The following PCNT variants were observed in gnomAD, a reference collection of about 807,000 sequenced individuals.
PCNT encodes kendrin.
In PCNT, 319 loss-of-function variants were observed where a neutral mutation model predicts 380.4. The observed-to-expected ratio is 0.84, with a 90% CI of 0.77 to 0.92. The LOEUF (loss-of-function observed/expected upper bound fraction) is 0.92, where lower values mean the gene tolerates loss of function less well. PCNT is among the 40% of genes least tolerant of loss of function. PCNT has a pLI of 0.00. For missense variants in PCNT, 4,400 were observed against 4,255.3 expected (o/e 1.03, Z -0.95); for synonymous variants, 1,845 against 1,735.2 (o/e 1.06, Z -1.57).
intron 35 of PCNT, among the ~76,000 whole-genome samples, chr21:46,429,509 C>CT (rs2087661774): frequency 6.6e-6 from 1 of 150,542 alleles, no homozygotes; most frequent in Non-Finnish European, 1.5e-5. Flanking sequence ...CCGGTGCTGT[C>CT]TGAGTGCTCG....
intron 17 of PCNT, among the ~76,000 whole-genome samples, chr21:46,386,210 C>T (rs924019991): frequency 1.3e-5 from 2 of 152,214 alleles, no homozygotes; most frequent in African/African-American, 2.4e-5. Flanking sequence ...TGCCCTCCTC[C>T]CACCCTGCCT....
chr21:46,401,809 C>G, intron 26 of PCNT, 88 bp downstream of exon 26: 1 of 1,259,234 alleles, frequency 7.9e-7, no homozygotes. Flanking sequence ...CCAGATAACA[C>G]AGGCGATGGG....
chr21:46,421,921 A>T (rs1435292210), intron 31 of PCNT, 49 bp from the exon 32 acceptor site: 18 of 1,602,430 alleles, frequency 1.1e-5, no homozygotes, highest in African/African-American at 2.7e-5. Flanking sequence ...TCCCCTGGGG[A>T]ACCCCCTGGA....
At chr21:46,377,869 G>A (rs2085379073) in intron 15 of PCNT, among the ~76,000 whole-genome samples, 1 of 99,314 alleles carries the variant, frequency 1.0e-5, no homozygotes, top group African/African-American at 5.8e-5. Flanking sequence ...GAAAATTAAG[G>A]AAGAAAACAA....
chr21:46,428,452 C>T lies in PCNT; in HGVS notation c.7552C>T (p.Leu2518=), dbSNP rs761945778. The T allele has an allele frequency of 1.9e-6, 3 of 1,612,396 alleles. No homozygotes were observed. The African/African-American group carries it at 4.0e-5, about 22-fold the overall frequency. ...TCGCTTGCCGGACCGGAGCAGCCTG[C>T]TGTCCGAGATCCAGGCGCTGCGTGC... The part of the protein sequence containing the change: ...HLRLPDRSSL[L]SEIQALRAQL... Residue 2518 remains leucine, a synonymous_variant, in exon 35 of 47, where the codon CTG becomes TTG. Coordinates refer to ENST00000359568, the MANE Select transcript of PCNT (RefSeq NM_006031.6).
chr21:46,436,022 C>A lies in PCNT; in HGVS notation c.8870C>A (p.Ala2957Asp). The A allele has an allele frequency of 6.2e-7, 1 of 1,614,076 alleles. No individual in the cohort carries two copies. Among genetic ancestry groups the A allele is most frequent in the Non-Finnish European group, 8.5e-7 (1 of 1,180,004 alleles). The change falls in exon 39 of 47, where the codon GCC becomes GAC. Residue 2957 changes from alanine (A) to aspartate (D), a missense_variant. By Grantham distance (126) the Ala-to-Asp change is moderately radical. Transcript: ENST00000359568. ...VPGSRLHLGS[A>D]RRAAGSDADH... Reference sequence around the variant, plus strand: ...GGCAGCCGCCTCCACCTAGGTTCTGCCCGCAGGGCTGCCGGCTCGGATGCG... The same window carrying A: ...GGCAGCCGCCTCCACCTAGGTTCTGACCGCAGGGCTGCCGGCTCGGATGCG...
intron 3 of PCNT, among the ~76,000 whole-genome samples, chr21:46,339,800 G>A (rs1416785349): frequency 6.6e-6 from 1 of 152,130 alleles, no homozygotes; most frequent in African/African-American, 2.4e-5. Flanking sequence ...CAATCAAGTT[G>A]ACAATGTTAA....
At chr21:46,368,455 A>G (rs1470457891) in intron 15 of PCNT, among the ~76,000 whole-genome samples, 1 of 152,134 alleles carries the variant, frequency 6.6e-6, no homozygotes, top group East Asian at 1.9e-4. Context: ...CTCAAAAAAA[A>G]AAAAGCGGTG....
chr21:46,407,018 A>G (rs1358975757), intron 27 of PCNT, among the ~76,000 whole-genome samples: 3 of 152,158 alleles, frequency 2.0e-5, no homozygotes, highest in African/African-American at 7.2e-5. Context: ...TTGGTGCATA[A>G]TTGTCTTTTC....
intron 15 of PCNT, among the ~76,000 whole-genome samples, chr21:46,370,648 G>A (rs2096681490): frequency 6.6e-6 from 1 of 152,162 alleles, no homozygotes; most frequent in Admixed American, 6.5e-5. Flanking sequence ...GCTCATGCCT[G>A]TAATCCCAGG....
In PCNT at chr21:46,411,906, G is replaced by A; in HGVS notation, c.5833G>A (p.Val1945Met). Reference sequence around the variant, plus strand: ...GCACCAGCGGTTCCTGAGGTGCCAGGTGGAGCTGGACAGGCGGCAGGCCCG... The same window carrying A: ...GCACCAGCGGTTCCTGAGGTGCCAGATGGAGCTGGACAGGCGGCAGGCCCG... ...VLHQRFLRCQ[V>M]ELDRRQARRA... is the part of the protein sequence containing the mutation. Residue 1945 changes from valine (V) to methionine (M), a missense_variant, in exon 28 of 47, where the codon GTG (valine) becomes ATG (methionine). Transcript: ENST00000359568. 7 of 1,585,270 alleles carry A rather than the reference G, an allele frequency of 4.4e-6. No homozygotes were observed. Among genetic ancestry groups the A allele is most frequent in the Non-Finnish European group, 6.0e-6 (7 of 1,173,614 alleles).
intron 4 of PCNT, 90 bp downstream of exon 4, chr21:46,346,298 G>A (rs1048320993): frequency 2.4e-5 from 16 of 670,224 alleles, no homozygotes; most frequent in African/African-American, 1.3e-4. Flanking sequence ...TGGGGTGGGC[G>A]CTGCCATCTC....
At position 46,381,856 on chromosome 21, in the gene PCNT, T is replaced by G. The variant is rs777279523; in HGVS notation, c.3312+16T>G. 4 of 1,613,752 alleles carry G rather than the reference T, an allele frequency of 2.5e-6. No homozygotes were observed. The Admixed American group carries it at 6.7e-5, about 27-fold the overall frequency. Reference sequence around the variant, plus strand: ...AGTCCAGCAGGTGTGTGGAATACGCTGTTCCCTTGTGATAAGACGTGTATA... The same window carrying G: ...AGTCCAGCAGGTGTGTGGAATACGCGGTTCCCTTGTGATAAGACGTGTATA... On this transcript the variant is annotated intron_variant, in intron 16 of 46. Transcript: ENST00000359568.
rs749015020 is a variant in PCNT at position 46,389,272 on chromosome 21, G to C, written c.3681G>C (p.Glu1227Asp). Residue 1227 changes from glutamate to aspartate, a missense_variant, in exon 19 of 47, where the codon GAG becomes GAC. Transcript: ENST00000359568. ...ELDRTLSECAEMSSVAEISSH... is the reference protein window; with the variant it reads ...ELDRTLSECADMSSVAEISSH... ...ACAGAACTTTGTCTGAATGTGCAGA[G>C]ATGTCTTCCGTGGCTGAAATTAGCA... The C allele has an allele frequency of 5.0e-6, 8 of 1,614,138 alleles. No individual in the cohort carries two copies. In the Admixed American group the frequency reaches 6.7e-5, roughly 13 times the overall value.
At chr21:46,333,720 G>T (rs1371242598) in intron 2 of PCNT, among the ~76,000 whole-genome samples, 1 of 151,600 alleles carries the variant, frequency 6.6e-6, no homozygotes, top group Non-Finnish European at 1.5e-5. Context: ...GGCCAACATG[G>T]TGAAACCCCC....
Position 46,363,544 on chromosome 21 carries a change from T to C in PCNT, c.2219T>C (p.Leu740Pro), listed in dbSNP as rs2084790676. The C allele has an allele frequency of 6.2e-7, 1 of 1,613,964 alleles. No individual in the cohort carries two copies. Among genetic ancestry groups the C allele is most frequent in the African/African-American group, 1.3e-5 (1 of 74,998 alleles). The change falls in exon 14 of 47, where the codon CTG becomes CCG. Residue 740 changes from leucine (L) to proline (P), a missense_variant. Coordinates refer to ENST00000359568, the MANE Select transcript of PCNT (RefSeq NM_006031.6). ...ELNNAKQKTE[L>P]MKQEFQRKET... ...AATAATGCTAAGCAAAAGACTGAGC[T>C]GATGAAACAGGAATTCCAAAGAAAA... is the stretch of plus-strand genomic sequence containing the variant.
intron 27 of PCNT, among the ~76,000 whole-genome samples, chr21:46,408,442 TGTAA>T (rs2086683637): frequency 6.6e-6 from 1 of 152,218 alleles, no homozygotes; most frequent in Non-Finnish European, 1.5e-5. Flanking sequence ...CTGATTCATG[TGTAA>T]GTATATATTT....
chr21:46,355,691 C>T (rs1461894767), intron 12 of PCNT, 65 bp downstream of exon 12: 7 of 1,531,042 alleles, frequency 4.6e-6, no homozygotes, highest in African/African-American at 2.7e-5. Flanking sequence ...TCTCGGGGAG[C>T]CTGGGTGCCT....
At chr21:46,376,459 G>T (rs1347461117) in intron 15 of PCNT, among the ~76,000 whole-genome samples, 1 of 152,242 alleles carries the variant, frequency 6.6e-6, no homozygotes, top group Non-Finnish European at 1.5e-5. Flanking sequence ...GATGCCAGGA[G>T]GGAAGCGCCT....
Sources: gnomAD v4.1 joint callset for allele counts (sites outside exome capture counted in the v4.1 genomes callset) on GRCh38, gnomAD v4.1.1 for gene constraint, MANE v1.5 for transcripts, NCBI Gene and HGNC (gene_info 2026-07-23, HGNC 2026-07-21) for gene names.